Variants in TRAPPC13 observed in about 807,000 individuals in gnomAD.
TRAPPC13 encodes REV7-interacting novel NHEJ regulator 1.
TRAPPC13 carries 39 observed loss-of-function variants against 54.0 expected under a neutral mutation model. The ratio of observed to expected loss-of-function variants is 0.72; its 90% CI spans 0.56 to 0.94. The LOEUF (loss-of-function observed/expected upper bound fraction) is 0.94. Among genes scored for constraint, TRAPPC13 ranks in the 40% least tolerant of loss-of-function variants. TRAPPC13 has a pLI of 0.00. For synonymous variants in TRAPPC13, 148 were observed against 167.7 expected, an observed-to-expected ratio of 0.88 and a Z score of 0.91; for missense variants, 386 against 488.1, an observed-to-expected ratio of 0.79 and a Z score of 1.97.
At chr5:65,627,141 A>T (rs1755277927) in intron 1 of TRAPPC13, among the ~76,000 whole-genome samples, 1 of 139,236 alleles carries the variant, frequency 7.2e-6, no homozygotes, top group African/African-American at 2.7e-5. Context: ...CAAAAAAAAA[A>T]AAAAAAAAAA....
intron 1 of TRAPPC13, chr5:65,630,378 A>G (rs758966122): frequency 1.4e-6 from 2 of 1,446,282 alleles, no homozygotes; most frequent in South Asian, 2.9e-5. Flanking sequence ...ATTCTGAATG[A>G]AATGAATATG....
intron 4 of TRAPPC13, among the ~76,000 whole-genome samples, chr5:65,641,796 G>C (rs1370878946): frequency 6.7e-6 from 1 of 150,020 alleles, no homozygotes; most frequent in East Asian, 1.9e-4. Context: ...TGAACGATTT[G>C]TAGAATTCCC....
intron 7 of TRAPPC13, 125 bp downstream of exon 7, chr5:65,652,670 A>C (rs1756510849): frequency 1.3e-6 from 1 of 770,968 alleles, no homozygotes; most frequent in Non-Finnish European, 2.3e-6. Context: ...ATTTGAAAAA[A>C]TCACAAATTT....
At chr5:65,633,044 T>C (rs527606061) in intron 1 of TRAPPC13, among the ~76,000 whole-genome samples, 44 of 152,136 alleles carry the variant, frequency 2.9e-4, no homozygotes, top group Non-Finnish European at 5.7e-4. Flanking sequence ...CAAATAAATA[T>C]ACTGCATGAT....
intron 1 of TRAPPC13, 69 bp from the exon 2 acceptor site, chr5:65,635,232 A>G (rs1239612359): frequency 7.6e-7 from 1 of 1,322,342 alleles, no homozygotes; most frequent in Non-Finnish European, 1.1e-6. Flanking sequence ...AATGTCATAC[A>G]CTAGACTTGA....
Position 65,660,869 on chromosome 5 carries a change from G to T in TRAPPC13, c.869G>T (p.Arg290Met). Residue 290 changes from arginine to methionine, a missense_variant, in exon 10 of 13, where the codon AGG becomes ATG. Coordinates refer to ENST00000399438, the MANE Select transcript of TRAPPC13 (RefSeq NM_024941.4). The part of the protein sequence containing the change: ...VWKTNLGERG[R>M]LQTSQLQRMA... ...AAAACAAATCTAGGTGAAAGGGGAA[G>T]GTTACAGACCAGCCAACTTCAAAGA... 1 of 1,612,580 alleles carries T rather than the reference G, an allele frequency of 6.2e-7. No homozygotes were observed. Among genetic ancestry groups the T allele is most frequent in the Non-Finnish European group, 8.5e-7 (1 of 1,179,214 alleles).
At chr5:65,648,015 T>G (rs1271941111) in intron 5 of TRAPPC13, among the ~76,000 whole-genome samples, 1 of 152,178 alleles carries the variant, frequency 6.6e-6, no homozygotes, top group South Asian at 2.1e-4. Context: ...ATAAGTCACT[T>G]AATTCTTCAG....
intron 5 of TRAPPC13, among the ~76,000 whole-genome samples, chr5:65,649,358 G>A (rs570547964): frequency 1.2e-4 from 18 of 152,170 alleles, no homozygotes; most frequent in African/African-American, 3.6e-4. Flanking sequence ...TTCCTTATGT[G>A]GAATATTTGA....
intron 4 of TRAPPC13, among the ~76,000 whole-genome samples, chr5:65,645,552 C>A (rs1352821060): frequency 6.6e-6 from 1 of 152,210 alleles, no homozygotes; most frequent in African/African-American, 2.4e-5. Context: ...CGCCTGTAAT[C>A]CCAGCACTTT....
At chr5:65,642,895 TAAATTAA>T (rs1756023302) in intron 4 of TRAPPC13, among the ~76,000 whole-genome samples, 1 of 152,142 alleles carries the variant, frequency 6.6e-6, no homozygotes, top group Non-Finnish European at 1.5e-5. Context: ...AATTAAAAAA[TAAATTAA>T]AAATTAAAAA....
At chr5:65,643,875 A>G (rs1030403574) in intron 4 of TRAPPC13, among the ~76,000 whole-genome samples, 1 of 150,112 alleles carries the variant, frequency 6.7e-6, no homozygotes, top group African/African-American at 2.4e-5. Flanking sequence ...ATGCATATTT[A>G]TAATTATTGT....
At chr5:65,636,431 C>G (rs149954852) in intron 3 of TRAPPC13, among the ~76,000 whole-genome samples, 162 of 152,032 alleles carry the variant, frequency 1.1e-3, no homozygotes, top group East Asian at 0.01. Flanking sequence ...CATGAGCCAC[C>G]ACGCCTAGGA....
chr5:65,658,902 T>C (rs1300904929), intron 9 of TRAPPC13, among the ~76,000 whole-genome samples: 1 of 151,936 alleles, frequency 6.6e-6, no homozygotes, highest in Non-Finnish European at 1.5e-5. Context: ...TTATTTTTAG[T>C]AGAGATGGGG....
intron 9 of TRAPPC13, 49 bp from the exon 10 acceptor site, chr5:65,660,650 T>G (rs1581234516): frequency 6.8e-7 from 1 of 1,465,792 alleles, no homozygotes. Flanking sequence ...GGTTTTTCTT[T>G]TAAAAGATGC....
intron 5 of TRAPPC13, among the ~76,000 whole-genome samples, chr5:65,647,607 A>G (rs1442179913): frequency 6.6e-6 from 1 of 152,008 alleles, no homozygotes; most frequent in Non-Finnish European, 1.5e-5. Flanking sequence ...AAAATAAGGC[A>G]CACTGTGAAA....
chr5:65,629,008 G>A (rs867743573), intron 1 of TRAPPC13, among the ~76,000 whole-genome samples: 11 of 151,954 alleles, frequency 7.2e-5, no homozygotes, highest in African/African-American at 2.4e-4. Context: ...TTTGAGTAGA[G>A]ATGGGTTTTC....
chr5:65,630,805 C>A, intron 1 of TRAPPC13: 1 of 472,218 alleles, frequency 2.1e-6, no homozygotes, highest in Non-Finnish European at 2.8e-6. Flanking sequence ...AATTGATAGG[C>A]TGTTTTCAAA....
At chr5:65,656,830 C>T (rs1756669635) in intron 8 of TRAPPC13, among the ~76,000 whole-genome samples, 5 of 151,944 alleles carry the variant, frequency 3.3e-5, no homozygotes, top group Admixed American at 2.0e-4. Context: ...CACTTGAACT[C>T]AGGAGGCAGA....
intron 10 of TRAPPC13, chr5:65,661,514 A>G (rs1756851859): frequency 6.6e-6 from 1 of 152,356 alleles, no homozygotes; most frequent in South Asian, 2.1e-4. Context: ...GTTTGAGGCA[A>G]TAATTTTTAA....
Sources: allele counts gnomAD v4.1 joint callset (sites outside exome capture counted in the v4.1 genomes callset), GRCh38; gene constraint gnomAD v4.1.1; transcripts MANE v1.5; gene names NCBI Gene and HGNC (gene_info 2026-07-23, HGNC 2026-07-21).